DCTN1: variants seen among roughly 807,000 people sequenced by gnomAD.
The protein encoded by DCTN1 is dynactin subunit 1, also known as 150 kDa dynein-associated polypeptide.
A neutral mutation model predicts 161.2 loss-of-function variants in DCTN1; 61 were observed. That is an observed-to-expected ratio of 0.38 (90% CI 0.31 to 0.47). DCTN1 has a LOEUF of 0.47. Among genes scored for constraint, DCTN1 ranks in the 20% least tolerant of loss-of-function variants. DCTN1 has a pLI of 0.99. For synonymous variants in DCTN1, 653 were observed against 632.4 expected (o/e 1.03, Z -0.49); for missense variants, 1,404 against 1,623.7 (o/e 0.86, Z 2.33).
chr2:74,371,352 T>C (rs903863262), intron 8 of DCTN1, 176 bp from the exon 9 acceptor site: 4 of 1,431,668 alleles, frequency 2.8e-6, no homozygotes, highest in Middle Eastern at 2.4e-4. Context: ...ATGGGGAAAG[T>C]ATGGCATAAG....
At chr2:74,375,171 A>T (rs1267498777) in intron 5 of DCTN1, among the ~76,000 whole-genome samples, 1 of 152,202 alleles carries the variant, frequency 6.6e-6, no homozygotes, top group Non-Finnish European at 1.5e-5. Context: ...CGGAACACGC[A>T]TCTGGGTAGC....
At position 74,367,966 on chromosome 2, in the gene DCTN1, C is replaced by T. The variant is rs770696267; in HGVS notation, c.2015+5G>A. 6.5e-5 allele frequency: 105 copies of T among 1,614,112 alleles called. 1 individual carries two copies. The South Asian group carries it at 1.1e-3, about 17-fold the overall frequency. ...CCTGGGGTGAGGGAGTCAGGAGTCA[C>T]TTACTGCTCATAGCGGTGTAGCGTG... On this transcript the variant is annotated splice_donor_5th_base_variant and intron_variant, in intron 17 of 31. Coordinates refer to ENST00000628224, the MANE Select transcript of DCTN1 (RefSeq NM_004082.5).
rs1156514062 is a variant in DCTN1 at position 74,365,826 on chromosome 2, C to T, written c.2886+67G>A. The T allele has an allele frequency of 4.3e-6, 7 of 1,613,676 alleles. No individual in the cohort carries two copies. In the African/African-American group the frequency reaches 8.0e-5, roughly 18 times the overall value. On this transcript the variant is annotated intron_variant, in intron 24 of 31. Coordinates refer to ENST00000628224, the MANE Select transcript of DCTN1 (RefSeq NM_004082.5). ...AAGCCGTCTTGGTCCCGATCCCCAA[C>T]ACTCACTGCTTTCCTGAGTCCTACC...
At chr2:74,385,916 T>C (rs562057274) in intron 1 of DCTN1, among the ~76,000 whole-genome samples, 2 of 152,338 alleles carry the variant, frequency 1.3e-5, no homozygotes, top group South Asian at 4.1e-4. Flanking sequence ...TCTGCCTGTC[T>C]CTCTGCCAAG....
intron 1 of DCTN1, chr2:74,391,371 C>A (rs1251299395): frequency 5.2e-6 from 1 of 194,068 alleles, no homozygotes; most frequent in Non-Finnish European, 1.1e-5. Context: ...TAAGGCGGAC[C>A]CCAGGAGTAG....
In DCTN1 at chr2:74,367,389, G is replaced by A. The variant is rs1404776855; in HGVS notation, c.2216C>T (p.Pro739Leu). The change falls in exon 19 of 32, where the codon CCT becomes CTT. Residue 739 changes from proline (P) to leucine (L), a missense_variant. Around this residue, in one of 9 missense-constraint regions of DCTN1, gnomAD observed 475 missense variants for 489.8 expected, o/e 0.97. Coordinates refer to ENST00000628224, the MANE Select transcript of DCTN1 (RefSeq NM_004082.5). ...HLYSIHLAEQ[P>L]EDCTMQLADH... ...AGCCAGCTGCATAGTACAGTCCTCA[G>A]GCTGTTCGGCAAGGTGGATGCTGTA... 6.2e-7 allele frequency: 1 copy of A among 1,614,044 alleles called. No homozygotes were observed. The highest frequency in any genetic ancestry group is 8.5e-7 in the Non-Finnish European group (1 of 1,180,048).
At chr2:74,375,734 C>A (rs1009024492) in intron 5 of DCTN1, among the ~76,000 whole-genome samples, 1 of 152,184 alleles carries the variant, frequency 6.6e-6, no homozygotes, top group Non-Finnish European at 1.5e-5. Context: ...TCCTTCACAG[C>A]ATTATTTTCC....
At chr2:74,381,530 C>T (rs1247940487), upstream of DCTN1, among the ~76,000 whole-genome samples, 3 of 152,204 alleles carry the variant, frequency 2.0e-5, no homozygotes, top group Non-Finnish European at 4.4e-5. Context: ...CATGTCGCCC[C>T]CTCCTTTCCC....
intron 4 of DCTN1, among the ~76,000 whole-genome samples, chr2:74,377,067 T>C (rs1408133334): frequency 2.6e-5 from 4 of 152,184 alleles, no homozygotes; most frequent in Non-Finnish European, 4.4e-5. Flanking sequence ...GAATAGGAGA[T>C]TGCTTCTTCC....
Position 74,380,071 on chromosome 2 carries a change from T to C in DCTN1, c.-34A>G. 6.2e-7 allele frequency: 1 copy of C among 1,613,400 alleles called. No individual in the cohort carries two copies. The highest frequency in any genetic ancestry group is 8.5e-7 in the Non-Finnish European group (1 of 1,179,660). On this transcript the variant is annotated 5_prime_UTR_variant, in exon 1 of 32. Coordinates refer to ENST00000628224, the MANE Select transcript of DCTN1 (RefSeq NM_004082.5). The stretch of plus-strand genomic sequence containing the variant: ...CCCGGCCTCTACCCCCTCCCCCAGC[T>C]GGCCAAAGACAGAGAGAAAAGGTAG...
intron 18 of DCTN1, 76 bp downstream of exon 18, chr2:74,367,620 G>A: frequency 6.2e-7 from 1 of 1,602,690 alleles, no homozygotes; most frequent in Admixed American, 1.7e-5. Flanking sequence ...ATACAACCTT[G>A]AATATATTAG....
At chr2:74,364,337 AG>A (rs1674243618) in intron 26 of DCTN1, 1 of 158,544 alleles carries the variant, frequency 6.3e-6, no homozygotes, top group Non-Finnish European at 1.4e-5. Flanking sequence ...GACAAGACTC[AG>A]GAGCAGCTGG....
At chr2:74,368,239 T>A in intron 16 of DCTN1, 108 bp from the exon 17 acceptor site, 1 of 1,445,442 alleles carries the variant, frequency 6.9e-7, no homozygotes, top group East Asian at 2.5e-5. Flanking sequence ...TGGACACACA[T>A]GGGAGAGAAA....
intron 21 of DCTN1, 68 bp from the exon 22 acceptor site, chr2:74,366,688 C>A (rs1396930026): frequency 1.2e-6 from 2 of 1,613,972 alleles, no homozygotes; most frequent in East Asian, 2.2e-5. Flanking sequence ...TACCCCAAAA[C>A]CATTTTTGTC....
In DCTN1 at chr2:74,370,096, G is replaced by A; in HGVS notation, c.1288-27C>T. On this transcript the variant is annotated intron_variant, in intron 12 of 31. Transcript: ENST00000628224. This position sits in a 1 kb window ranked among gnomAD's most constrained non-coding sequence, Gnocchi z 4.4. ...TGTGTTACGGGGAGGATAGGGAGAA[G>A]GGCTGCTGGAAGGTACCTAGAAAGA... 6.2e-7 allele frequency: 1 copy of A among 1,614,184 alleles called. No individual in the cohort carries two copies. Among genetic ancestry groups the A allele is most frequent in the East Asian group, 2.2e-5 (1 of 44,878 alleles).
At chr2:74,361,702 G>A (rs751476275) in intron 31 of DCTN1, 66 bp from the exon 32 acceptor site, 799 of 1,607,582 alleles carry the variant, frequency 5.0e-4, no homozygotes, top group Non-Finnish European at 6.6e-4. Flanking sequence ...GCCACTGAAG[G>A]GGTCCCTGAG....
chr2:74,369,109 C>A lies in DCTN1; in HGVS notation c.1690G>T (p.Ala564Ser). ...CACACTTTCCTGACCTTGGCATGGG[C>A]CTTAGTCTCAGCAAACTTGATTTTG... ...DFKIKFAETK[A>S]HAKAIEMELR... The change falls in exon 15 of 32, where the codon GCC becomes TCC. Residue 564 changes from alanine to serine, a missense_variant. By Grantham distance (99) the Ala-to-Ser change is moderately conservative. Around this residue, in one of 9 missense-constraint regions of DCTN1, gnomAD observed 278 missense variants for 363.8 expected, o/e 0.76. Transcript: ENST00000628224. This position sits in a 1 kb window ranked among gnomAD's most constrained non-coding sequence, Gnocchi z 4.9. 2 of 1,614,218 alleles carry A rather than the reference C, an allele frequency of 1.2e-6. No individual in the cohort carries two copies. The highest frequency in any genetic ancestry group is 2.2e-5 in the South Asian group (2 of 91,080).
At chr2:74,383,060 C>A (rs1388724516), upstream of DCTN1, among the ~76,000 whole-genome samples, 3 of 147,900 alleles carry the variant, frequency 2.0e-5, no homozygotes, top group East Asian at 2.0e-4. Flanking sequence ...CCCGCCTGGG[C>A]GACAGAGCGA....
At chr2:74,390,920 C>T (rs961164039) in intron 1 of DCTN1, among the ~76,000 whole-genome samples, 2 of 152,180 alleles carry the variant, frequency 1.3e-5, no homozygotes, top group African/African-American at 4.8e-5. Flanking sequence ...AACAGTATAT[C>T]CTAGTAAAAT....
Sources: allele counts gnomAD v4.1 joint callset (sites outside exome capture counted in the v4.1 genomes callset), GRCh38; gene constraint gnomAD v4.1.1; regional missense constraint gnomAD v4.1.1; non-coding constraint Gnocchi (gnomAD v3.1); transcripts MANE v1.5; gene names NCBI Gene and HGNC (gene_info 2026-07-23, HGNC 2026-07-21).